The following PIK3C3 variants were observed in gnomAD, a reference collection of about 807,000 sequenced individuals.
PIK3C3 encodes PI3-kinase type 3.
A neutral mutation model predicts 126.1 loss-of-function variants in PIK3C3; 95 were observed. The ratio of observed to expected loss-of-function variants is 0.75; its 90% CI spans 0.64 to 0.89. The LOEUF is 0.89. Ranked by LOEUF, PIK3C3 falls within the 40% of genes least tolerant of loss-of-function variation. PIK3C3 has a pLI of 0.00. For missense variants in PIK3C3, 829 were observed against 1,063.2 expected, an observed-to-expected ratio of 0.78 and a Z score of 3.06; for synonymous variants, 374 against 360.0, an observed-to-expected ratio of 1.04 and a Z score of -0.44.
At chr18:42,034,735 G>A (rs568386215) in intron 16 of PIK3C3, among the ~76,000 whole-genome samples, 8 of 152,290 alleles carry the variant, frequency 5.3e-5, no homozygotes, top group African/African-American at 1.9e-4. Flanking sequence ...ATCTTTGTGA[G>A]ACATGGTGCT....
chr18:42,004,570 A>G (rs769614879), intron 10 of PIK3C3, 29 bp downstream of exon 10: 24 of 1,536,636 alleles, frequency 1.6e-5, no homozygotes, highest in Middle Eastern at 1.7e-4. Context: ...TTCTGCTTCA[A>G]TGGGTCATTT....
rs764465962 is a variant in PIK3C3 at position 41,962,575 on chromosome 18, G to C, written c.344G>C (p.Gly115Ala). Residue 115 changes from glycine to alanine, a missense_variant, in exon 3 of 25, where the codon GGT becomes GCT. Transcript: ENST00000262039. ...QVALTIWDVYGPGKAVPVGGT... is the reference protein window; with the variant it reads ...QVALTIWDVYAPGKAVPVGGT... ...GCCCTCACCATATGGGATGTGTATG[G>C]TCCCGGAAAAGCAGTGCCTGTAGGA... 2 of 1,613,752 alleles carry C rather than the reference G, an allele frequency of 1.2e-6. No homozygotes were observed. Among genetic ancestry groups the C allele is most frequent in the Non-Finnish European group, 1.7e-6 (2 of 1,179,752 alleles).
intron 9 of PIK3C3, among the ~76,000 whole-genome samples, chr18:42,000,961 C>T (rs1008517060): frequency 3.3e-5 from 5 of 152,076 alleles, no homozygotes; most frequent in African/African-American, 1.2e-4. Flanking sequence ...TGGGAAGAAA[C>T]GAATGAGATG....
In PIK3C3 at chr18:41,958,374, A is replaced by T. The variant is rs557732560; in HGVS notation, c.257+616A>T. Among the ~76,000 whole-genome samples, 21 of 152,256 alleles carry T rather than the reference A, an allele frequency of 1.4e-4. 1 individual carries two copies. In the South Asian group the frequency reaches 4.1e-3, roughly 30 times the overall value. On this transcript the variant is annotated intron_variant, in intron 2 of 24. Coordinates refer to ENST00000262039, the MANE Select transcript of PIK3C3 (RefSeq NM_002647.4). ...CTATGTAGTGCAGTTCTGATGTTTGATCAGCGAGTGTTATTCAGCACTCTG... is the reference window on the plus strand; with the variant it reads ...CTATGTAGTGCAGTTCTGATGTTTGTTCAGCGAGTGTTATTCAGCACTCTG...
intron 13 of PIK3C3, 32 bp downstream of exon 13, chr18:42,020,737 T>C: frequency 8.3e-7 from 1 of 1,206,878 alleles, no homozygotes; most frequent in South Asian, 1.3e-5. Flanking sequence ...TTTATTTTCT[T>C]ATTACCCTTA....
chr18:42,002,104 A>G (rs904660016), intron 9 of PIK3C3, among the ~76,000 whole-genome samples: 9 of 152,220 alleles, frequency 5.9e-5, no homozygotes, highest in African/African-American at 1.7e-4. Context: ...CATTTAAATG[A>G]CAGTAGTAAA....
At chr18:41,984,469 A>C (rs2144340369) in intron 4 of PIK3C3, among the ~76,000 whole-genome samples, 1 of 152,184 alleles carries the variant, frequency 6.6e-6, no homozygotes, top group African/African-American at 2.4e-5. Context: ...AATTTAATAT[A>C]ATTAATAACT....
intron 13 of PIK3C3, among the ~76,000 whole-genome samples, chr18:42,024,905 G>T (rs1598906650): frequency 6.7e-6 from 1 of 150,084 alleles, no homozygotes; most frequent in Admixed American, 6.6e-5. Flanking sequence ...ACGAGTTCAC[G>T]CCATTCTTCT....
chr18:42,079,222 G>T lies in PIK3C3; in HGVS notation c.2650-1901G>T, dbSNP rs1986147403. Among the ~76,000 whole-genome samples the T allele has an allele frequency of 2.6e-5, 4 of 152,178 alleles. No homozygotes were observed. The South Asian group carries it at 8.3e-4, about 31-fold the overall frequency. On this transcript the variant is annotated intron_variant, in intron 24 of 24. Coordinates refer to ENST00000262039, the MANE Select transcript of PIK3C3 (RefSeq NM_002647.4). The stretch of plus-strand genomic sequence containing the variant: ...TTTCACTTGATCACCTAGAGGCCCT[G>T]ATAGCGTTCTTAATTGGCCTAATTT...
chr18:42,032,346 A>G (rs1309409698), intron 15 of PIK3C3, among the ~76,000 whole-genome samples: 1 of 152,214 alleles, frequency 6.6e-6, no homozygotes, highest in East Asian at 1.9e-4. Flanking sequence ...ATTATAGTCA[A>G]TATTATTTTG....
At chr18:41,993,212 T>C (rs893725881) in intron 6 of PIK3C3, 58 bp from the exon 7 acceptor site, 5 of 993,814 alleles carry the variant, frequency 5.0e-6, no homozygotes, top group Non-Finnish European at 7.9e-6. Context: ...GTACATCATA[T>C]ACTGCTTCCT....
chr18:41,977,650 G>C (rs7237459), intron 4 of PIK3C3, among the ~76,000 whole-genome samples: 33,999 of 151,964 alleles, frequency 0.22, 4,288 homozygotes, highest in South Asian at 0.4. Flanking sequence ...GCCATGCCCG[G>C]CTAATTTTTG....
intron 13 of PIK3C3, among the ~76,000 whole-genome samples, chr18:42,022,994 G>GA (rs1466468209): frequency 2.6e-5 from 4 of 152,030 alleles, no homozygotes; most frequent in Non-Finnish European, 4.4e-5. Context: ...GAAGTAAAGA[G>GA]AAAAAATATT....
At chr18:41,971,277 A>G (rs2144313869) in intron 4 of PIK3C3, 1 of 152,144 alleles carries the variant, frequency 6.6e-6, no homozygotes, top group South Asian at 2.1e-4. Flanking sequence ...GTGCCTCTTT[A>G]ATGTCTGGAG....
chr18:41,962,533 C>T lies in PIK3C3; in HGVS notation c.302C>T (p.Pro101Leu). 1 of 1,613,388 alleles carries T rather than the reference C, an allele frequency of 6.2e-7. No individual in the cohort carries two copies. Among genetic ancestry groups the T allele is most frequent in the Non-Finnish European group, 8.5e-7 (1 of 1,179,518 alleles). Residue 101 changes from proline (P) to leucine (L), a missense_variant, in exon 3 of 25, where the codon CCC becomes CTC. Physicochemically the swap from Pro to Leu is moderately conservative, Grantham distance 98 (BLOSUM62 -3). Transcript: ENST00000262039. Reference sequence around the variant, plus strand: ...CTACCAGTAAAATACCCTGACCTGCCCAGGAATGCCCAAGTGGCCCTCACC... The same window carrying T: ...CTACCAGTAAAATACCCTGACCTGCTCAGGAATGCCCAAGTGGCCCTCACC... ...LKLPVKYPDL[P>L]RNAQVALTIW...
chr18:42,028,778 A>G (rs1456351283), intron 14 of PIK3C3, among the ~76,000 whole-genome samples: 1 of 152,228 alleles, frequency 6.6e-6, no homozygotes, highest in Non-Finnish European at 1.5e-5. Context: ...GGAAGATTAA[A>G]TTAGAAATGT....
At position 42,004,533 on chromosome 18, in the gene PIK3C3, G is replaced by A. The variant is rs748472988; in HGVS notation, c.1162G>A (p.Asp388Asn). 5.0e-6 allele frequency: 8 copies of A among 1,586,640 alleles called. No individual in the cohort carries two copies. The highest frequency in any genetic ancestry group is 1.2e-5 in the South Asian group (1 of 86,042). ...TGCTGTTGCCCGGTTGCGACAGGCC[G>A]ATGATGAGGTGCATTATTATTTATT... ...RYAVARLRQA[D>N]DEDLLMYLLQ... Residue 388 changes from aspartate to asparagine, a missense_variant, in exon 10 of 25, where the codon GAT becomes AAT. Asp to Asn is a conservative substitution (Grantham distance 23). This residue lies in a region of PIK3C3 where 256 missense variants were observed against 291.0 expected (regional missense o/e 0.88). Coordinates refer to ENST00000262039, the MANE Select transcript of PIK3C3 (RefSeq NM_002647.4).
intron 15 of PIK3C3, among the ~76,000 whole-genome samples, chr18:42,032,704 A>G (rs747647019): frequency 6.6e-6 from 1 of 151,554 alleles, no homozygotes; most frequent in Non-Finnish European, 1.5e-5. Flanking sequence ...TTAAGGTAGG[A>G]TAACTTTACT....
At chr18:42,007,615 T>C (rs1252606425) in intron 10 of PIK3C3, among the ~76,000 whole-genome samples, 1 of 152,192 alleles carries the variant, frequency 6.6e-6, no homozygotes, top group Non-Finnish European at 1.5e-5. Flanking sequence ...GTTACTATTA[T>C]AAACTAGCCT....
Sources: gnomAD v4.1 joint callset for allele counts (sites outside exome capture counted in the v4.1 genomes callset) on GRCh38, gnomAD v4.1.1 for gene constraint, gnomAD v4.1.1 regional missense constraint, MANE v1.5 for transcripts, NCBI Gene and HGNC (gene_info 2026-07-23, HGNC 2026-07-21) for gene names.